The following HS6ST3 variants were observed in gnomAD, a reference collection of about 807,000 sequenced individuals.
The protein encoded by HS6ST3 is heparan sulfate 6-O-sulfotransferase 3, also known as heparan-sulfate 6-O-sulfotransferase 3.
In HS6ST3, 12 loss-of-function variants were observed where a neutral mutation model predicts 36.7. The observed-to-expected ratio is 0.33, with a 90% CI of 0.21 to 0.53. The LOEUF (loss-of-function observed/expected upper bound fraction) is 0.53, where lower values mean the gene tolerates loss of function less well. HS6ST3 is among the 20% of genes least tolerant of loss of function. The pLI, the probability that HS6ST3 is intolerant of heterozygous loss-of-function variation, is 0.95. For synonymous variants in HS6ST3, 240 were observed against 257.5 expected (o/e 0.93, Z 0.65); for missense variants, 584 against 640.9 (o/e 0.91, Z 0.96).
chr13:96,311,295 AT>A (rs1324894587), intron 1 of HS6ST3, among the ~76,000 whole-genome samples: 1 of 152,130 alleles, frequency 6.6e-6, no homozygotes, highest in East Asian at 1.9e-4. Context: ...TTGTTCTTTC[AT>A]TTCTATCCTC....
chr13:96,686,994 C>T (rs1393843452), intron 1 of HS6ST3, among the ~76,000 whole-genome samples: 1 of 151,808 alleles, frequency 6.6e-6, no homozygotes, highest in African/African-American at 2.4e-5. Flanking sequence ...TTAATTTATG[C>T]ATGCATGCTA....
intron 1 of HS6ST3, among the ~76,000 whole-genome samples, chr13:96,488,374 C>T (rs533917736): frequency 1.3e-4 from 20 of 152,196 alleles, no homozygotes; most frequent in Non-Finnish European, 2.6e-4. Flanking sequence ...AAGATGAAAG[C>T]TTTAAATTAA....
rs1594707692 is a variant in HS6ST3 at position 96,183,954 on chromosome 13, G to A, written c.707+92385G>A. ...ATGGTGGCTCACGCCTGTCATCCCA[G>A]CACTTTGGGAGGCTGAGGTGGGCGG... On this transcript the variant is annotated intron_variant, in intron 1 of 1. Transcript: ENST00000376705. Among the ~76,000 whole-genome samples the A allele has an allele frequency of 2.6e-5, 4 of 152,248 alleles. No homozygotes were observed. The East Asian group carries it at 7.8e-4, about 30-fold the overall frequency.
intron 1 of HS6ST3, among the ~76,000 whole-genome samples, chr13:96,677,351 C>T (rs2056702242): frequency 6.6e-6 from 1 of 152,102 alleles, no homozygotes; most frequent in Non-Finnish European, 1.5e-5. Context: ...TGTATCCTTC[C>T]ACTTTTTGCC....
At chr13:96,355,222 G>A (rs2055203657) in intron 1 of HS6ST3, among the ~76,000 whole-genome samples, 1 of 152,094 alleles carries the variant, frequency 6.6e-6, no homozygotes. Context: ...GTGCCATTAA[G>A]GACATCTGTG....
chr13:96,770,302 A>G (rs1877233418), intron 1 of HS6ST3, among the ~76,000 whole-genome samples: 1 of 152,194 alleles, frequency 6.6e-6, no homozygotes, highest in South Asian at 2.1e-4. Flanking sequence ...TTGAAAATGG[A>G]TGCTGATTAT....
Position 96,574,571 on chromosome 13 carries a change from G to A in HS6ST3, c.708-257919G>A, listed in dbSNP as rs533049194. On this transcript the variant is annotated intron_variant, in intron 1 of 1. Coordinates refer to ENST00000376705, the MANE Select transcript of HS6ST3 (RefSeq NM_153456.4). ...CAATGGCTGTGACATCACTGGAGCA[G>A]GTGCCTCCTCTTCCTGGTCCAGTTA... The A allele has an allele frequency of 3.6e-5, 10 of 274,770 alleles. No homozygotes were observed. The South Asian group carries it at 5.8e-4, about 16-fold the overall frequency. 17.0% of individuals were successfully genotyped at this position (274,770 alleles called of 1,614,324 possible).
intron 1 of HS6ST3, among the ~76,000 whole-genome samples, chr13:96,449,025 G>C (rs995069): frequency 0.68 from 103,925 of 152,006 alleles, 37,316 homozygotes; most frequent in African/African-American, 0.91. Flanking sequence ...GCACTGGTGT[G>C]ATCATAGCTC....
chr13:96,115,586 T>C (rs181578067), intron 1 of HS6ST3, among the ~76,000 whole-genome samples: 5 of 152,304 alleles, frequency 3.3e-5, no homozygotes, highest in Admixed American at 1.3e-4. Flanking sequence ...TCTCATTCCT[T>C]TTTGTGGCTG....
At chr13:96,501,242 A>G (rs2056002646) in intron 1 of HS6ST3, among the ~76,000 whole-genome samples, 1 of 152,206 alleles carries the variant, frequency 6.6e-6, no homozygotes, top group Non-Finnish European at 1.5e-5. Flanking sequence ...TTTGCTCGAC[A>G]GAAGGGGTGT....
chr13:96,152,435 T>C (rs1395973764), intron 1 of HS6ST3, among the ~76,000 whole-genome samples: 1 of 149,428 alleles, frequency 6.7e-6, no homozygotes, highest in Non-Finnish European at 1.5e-5. Context: ...CCTCCCGGGT[T>C]CTCGCCATTC....
intron 1 of HS6ST3, among the ~76,000 whole-genome samples, chr13:96,598,614 T>C (rs2056410603): frequency 6.6e-6 from 1 of 152,130 alleles, no homozygotes; most frequent in South Asian, 2.1e-4. Flanking sequence ...GGTCATATCA[T>C]CAGCAAACAG....
At chr13:96,689,176 C>T (rs1176242068) in intron 1 of HS6ST3, among the ~76,000 whole-genome samples, 1 of 151,960 alleles carries the variant, frequency 6.6e-6, no homozygotes, top group African/African-American at 2.4e-5. Context: ...TTCCGAGGCT[C>T]ACATAAAAAT....
intron 1 of HS6ST3, among the ~76,000 whole-genome samples, chr13:96,632,954 T>G (rs1392374050): frequency 6.6e-6 from 1 of 152,218 alleles, no homozygotes; most frequent in African/African-American, 2.4e-5. Context: ...ATCACTCAGG[T>G]CATTTATTTG....
At chr13:96,137,860 T>C (rs1173174258) in intron 1 of HS6ST3, among the ~76,000 whole-genome samples, 1 of 152,230 alleles carries the variant, frequency 6.6e-6, no homozygotes, top group African/African-American at 2.4e-5. Flanking sequence ...GGCAAGCTTC[T>C]TTCTGACCTC....
chr13:96,789,871 G>A (rs1376034282), intron 1 of HS6ST3, among the ~76,000 whole-genome samples: 1 of 151,686 alleles, frequency 6.6e-6, no homozygotes, highest in African/African-American at 2.4e-5. Flanking sequence ...TTAGCAGTTT[G>A]ATTATGATGT....
chr13:96,642,363 G>A (rs1001823701), intron 1 of HS6ST3, among the ~76,000 whole-genome samples: 17 of 151,948 alleles, frequency 1.1e-4, no homozygotes, highest in African/African-American at 1.7e-4. Context: ...GGCTAGGTAT[G>A]CATCATTTTG....
intron 1 of HS6ST3, among the ~76,000 whole-genome samples, chr13:96,220,959 C>T (rs1168207268): frequency 6.6e-6 from 1 of 152,090 alleles, no homozygotes; most frequent in African/African-American, 2.4e-5. Context: ...AATACTGACT[C>T]ATAAACTGAA....
At chr13:96,351,477 A>G (rs1006507705) in intron 1 of HS6ST3, among the ~76,000 whole-genome samples, 3 of 152,002 alleles carry the variant, frequency 2.0e-5, no homozygotes, top group Admixed American at 6.6e-5. Flanking sequence ...ACATCTGGCA[A>G]ATTTTTCTAT....
Sources: allele counts gnomAD v4.1 joint callset (sites outside exome capture counted in the v4.1 genomes callset), GRCh38; gene constraint gnomAD v4.1.1; transcripts MANE v1.5; gene names NCBI Gene and HGNC (gene_info 2026-07-23, HGNC 2026-07-21).